Variants in HERC4 observed in about 807,000 individuals in gnomAD.
HERC4 encodes the protein probable E3 ubiquitin-protein ligase HERC4.
In HERC4, 28 loss-of-function variants were observed where a neutral mutation model predicts 124.3. The ratio of observed to expected loss-of-function variants is 0.23; its 90% CI spans 0.17 to 0.31. The LOEUF is 0.31. Among genes scored for constraint, HERC4 ranks in the 10% least tolerant of loss-of-function variants. The pLI, the probability that HERC4 is intolerant of heterozygous loss-of-function variation, is 1.00. For synonymous variants in HERC4, 407 were observed against 421.5 expected (o/e 0.97, Z 0.42); for missense variants, 713 against 1,229.3 (o/e 0.58, Z 6.28).
At chr10:67,947,524 C>A (rs1320131630) in intron 19 of HERC4, among the ~76,000 whole-genome samples, 1 of 151,986 alleles carries the variant, frequency 6.6e-6, no homozygotes, top group East Asian at 1.9e-4. Flanking sequence ...GCTTTAATAT[C>A]CCACTATCAT....
chr10:68,048,801 T>C (rs1408782272), intron 3 of HERC4, among the ~76,000 whole-genome samples: 1 of 152,184 alleles, frequency 6.6e-6, no homozygotes, highest in African/African-American at 2.4e-5. Context: ...AGTTTTGCCC[T>C]GAACCTAAAA....
intron 3 of HERC4, among the ~76,000 whole-genome samples, chr10:68,059,488 T>TTATAATTATA (rs796555556): frequency 8.2e-6 from 1 of 121,554 alleles, no homozygotes; most frequent in Non-Finnish European, 1.6e-5. Flanking sequence ...ATATTATATA[T>TTATAATTATA]TATAACATTA....
At chr10:68,064,163 C>A (rs1176236158) in intron 3 of HERC4, among the ~76,000 whole-genome samples, 1 of 150,904 alleles carries the variant, frequency 6.6e-6, no homozygotes, top group Non-Finnish European at 1.5e-5. Context: ...CGCTTGAGCC[C>A]AGGAAGCAGA....
At chr10:67,982,946 G>A (rs761795466) in intron 15 of HERC4, among the ~76,000 whole-genome samples, 6 of 151,928 alleles carry the variant, frequency 3.9e-5, no homozygotes, top group South Asian at 2.1e-4. Flanking sequence ...TGGGCAACAC[G>A]GTGAAACCCC....
At chr10:67,947,636 T>A (rs1029085196) in intron 19 of HERC4, among the ~76,000 whole-genome samples, 1 of 152,146 alleles carries the variant, frequency 6.6e-6, no homozygotes, top group Admixed American at 6.5e-5. Context: ...CTCTATCCAA[T>A]AAAAGTAGAA....
rs187181578 is a variant in HERC4 at position 67,973,607 on chromosome 10, G to A, written c.1807-6805C>T. 8.0e-4 allele frequency among the ~76,000 whole-genome samples: 122 copies of A among 152,268 alleles called. 1 individual carries two copies. The East Asian group carries it at 0.017, about 22-fold the overall frequency. ...GAGAGTGAGGTATAGTCAAGAATAA[G>A]TAGAGAGGCTGGCAATAGGATTAGG... is the stretch of plus-strand genomic sequence containing the variant. On this transcript the variant is annotated intron_variant, in intron 15 of 24. Coordinates refer to ENST00000373700, the MANE Select transcript of HERC4 (RefSeq NM_015601.4).
intron 3 of HERC4, among the ~76,000 whole-genome samples, chr10:68,049,375 A>G (rs1326465534): frequency 6.6e-6 from 1 of 152,022 alleles, no homozygotes; most frequent in Non-Finnish European, 1.5e-5. Context: ...AAAACTTTGG[A>G]AAGATAAGTC....
intron 4 of HERC4, chr10:68,039,315 CAAAAAAAAAAAAA>C (rs5785844): frequency 2.7e-6 from 3 of 1,097,110 alleles, no homozygotes; most frequent in East Asian, 3.1e-5. Context: ...GACCCTGTCT[CAAAAAAAAAAAAA>C]AAAAAAGAAA....
At chr10:68,025,043 GA>G (rs1411517512) in intron 8 of HERC4, among the ~76,000 whole-genome samples, 1 of 152,116 alleles carries the variant, frequency 6.6e-6, no homozygotes, top group Non-Finnish European at 1.5e-5. Flanking sequence ...GCAACATAAT[GA>G]GACCTTGTTG....
In HERC4 at chr10:68,014,036, T is replaced by C. The variant is rs1275825795; in HGVS notation, c.1059A>G (p.Leu353=). 1 of 1,603,708 alleles carries C rather than the reference T, an allele frequency of 6.2e-7. No individual in the cohort carries two copies. Among genetic ancestry groups the C allele is most frequent in the Non-Finnish European group, 8.5e-7 (1 of 1,176,614 alleles). ...TATGACAGAACTTACCAATATCTGG[T>C]AGACACTGCCCATTATAGGGGTACC... ...GNWYPYNGQC[L]PDIDSEEYFC... Residue 353 remains leucine (L), a synonymous_variant, in exon 9 of 25, where the codon CTA becomes CTG. Transcript: ENST00000373700.
At chr10:68,049,887 GGAGATA>G (rs1368112521) in intron 3 of HERC4, among the ~76,000 whole-genome samples, 1 of 152,006 alleles carries the variant, frequency 6.6e-6, no homozygotes, top group Non-Finnish European at 1.5e-5. Context: ...CTCAAGCCTG[GGAGATA>G]GTAAGACGGT....
chr10:67,934,405 T>TCC (rs1193742135), intron 22 of HERC4, among the ~76,000 whole-genome samples: 3 of 152,212 alleles, frequency 2.0e-5, no homozygotes. Context: ...CCTTGAGCCC[T>TCC]CCATCCTCTT....
At chr10:68,053,638 T>A (rs1192881470) in intron 3 of HERC4, among the ~76,000 whole-genome samples, 1 of 152,094 alleles carries the variant, frequency 6.6e-6, no homozygotes, top group Non-Finnish European at 1.5e-5. Flanking sequence ...GGGCAAAATA[T>A]ACAAAAAATG....
At chr10:68,015,244 A>G (rs2038192755) in intron 8 of HERC4, among the ~76,000 whole-genome samples, 1 of 152,304 alleles carries the variant, frequency 6.6e-6, no homozygotes, top group East Asian at 1.9e-4. Flanking sequence ...CAGCTAAAGG[A>G]TGATCTACAA....
chr10:68,010,416 G>T (rs1589314411), intron 9 of HERC4: 1 of 957,868 alleles, frequency 1.0e-6, no homozygotes, highest in Admixed American at 2.0e-5. Context: ...CTCTCATGGT[G>T]CATAATCACT....
chr10:67,973,898 T>C (rs866655922), intron 15 of HERC4, among the ~76,000 whole-genome samples: 12 of 151,230 alleles, frequency 7.9e-5, no homozygotes, highest in Non-Finnish European at 1.3e-4. Context: ...AATAGAAAAA[T>C]TAGCTGGGTG....
chr10:68,061,979 A>G (rs1039431810), intron 3 of HERC4, among the ~76,000 whole-genome samples: 1 of 151,720 alleles, frequency 6.6e-6, no homozygotes, highest in Non-Finnish European at 1.5e-5. Context: ...TAAATTTACA[A>G]CGGTATTATA....
chr10:68,049,709 G>A (rs1317378658), intron 3 of HERC4, among the ~76,000 whole-genome samples: 5 of 151,376 alleles, frequency 3.3e-5, no homozygotes, highest in East Asian at 3.9e-4. Flanking sequence ...CCAGGAGTTC[G>A]AAACCAGCCT....
chr10:68,061,879 T>TTAAA (rs773936246), intron 3 of HERC4, among the ~76,000 whole-genome samples: 13 of 54,876 alleles, frequency 2.4e-4, no homozygotes, highest in South Asian at 1.1e-3. Flanking sequence ...AGACTCCATT[T>TTAAA]AAAAAAAAAA....
Sources: gnomAD v4.1 joint callset for allele counts (sites outside exome capture counted in the v4.1 genomes callset) on GRCh38, gnomAD v4.1.1 for gene constraint, MANE v1.5 for transcripts, NCBI Gene and HGNC (gene_info 2026-07-23, HGNC 2026-07-21) for gene names.